Variants in FAM185A observed in about 807,000 individuals in gnomAD.
FAM185A encodes the protein family with sequence similarity 185 member A, also known as protein FAM185A.
Under a neutral mutation model 45.7 loss-of-function variants are expected in FAM185A, and 21 were observed. The observed-to-expected ratio is 0.46, with a 90% CI of 0.33 to 0.66. The LOEUF (loss-of-function observed/expected upper bound fraction) is 0.66. FAM185A is among the 30% of genes least tolerant of loss of function. FAM185A has a pLI of 0.03. For synonymous variants in FAM185A, 117 were observed against 194.0 expected (o/e 0.60, Z 3.30); for missense variants, 305 against 485.4 (o/e 0.63, Z 3.49).
chr7:102,831,896 C>A, the FAM185A span, among the ~76,000 whole-genome samples: 22 of 152,126 alleles, frequency 1.4e-4, no homozygotes, highest in Non-Finnish European at 2.9e-5. Flanking sequence ...TATATTCAGT[C>A]TACTATTATT....
At chr7:102,780,486 C>T (rs575091720) in intron 6 of FAM185A, among the ~76,000 whole-genome samples, 4 of 152,176 alleles carry the variant, frequency 2.6e-5, no homozygotes, top group Non-Finnish European at 5.9e-5. Flanking sequence ...CTGTAATCTA[C>T]TCAAAAGAAA....
the FAM185A span, among the ~76,000 whole-genome samples, chr7:102,822,714 G>A: frequency 6.6e-6 from 1 of 152,194 alleles, no homozygotes; most frequent in African/African-American, 2.4e-5. Context: ...ATTCAAGTGA[G>A]TTGTTTAACT....
At chr7:102,766,788 T>TG (rs1554368065) in intron 4 of FAM185A, among the ~76,000 whole-genome samples, 7 of 151,736 alleles carry the variant, frequency 4.6e-5, no homozygotes, top group Non-Finnish European at 7.4e-5. Flanking sequence ...TTTTTTGTTT[T>TG]TTTTGTTTTG....
the FAM185A span, among the ~76,000 whole-genome samples, chr7:102,833,770 T>C: frequency 0.015 from 2,296 of 152,054 alleles, 57 homozygotes; most frequent in African/African-American, 0.053. Flanking sequence ...TAGCATTGTT[T>C]TGAAATGCTG....
the FAM185A span, chr7:102,826,981 T>C: frequency 2.8e-6 from 1 of 353,430 alleles, no homozygotes; most frequent in South Asian, 2.0e-5. Flanking sequence ...AATGTAGCTG[T>C]GGTAGATTAA....
At chr7:102,802,641 T>C (rs550467766) in intron 7 of FAM185A, among the ~76,000 whole-genome samples, 103 of 151,578 alleles carry the variant, frequency 6.8e-4, no homozygotes, top group African/African-American at 2.4e-3. Flanking sequence ...ATCAAGGAAC[T>C]AGAGAAACAA....
At chr7:102,843,064 G>C in the FAM185A span, among the ~76,000 whole-genome samples, 2 of 152,058 alleles carry the variant, frequency 1.3e-5, no homozygotes, top group Non-Finnish European at 2.9e-5. Flanking sequence ...GTTACCAAAG[G>C]GCAAATTTTT....
chr7:102,787,588 T>C (rs1365277446), intron 7 of FAM185A, 119 bp downstream of exon 7: 1 of 1,124,944 alleles, frequency 8.9e-7, no homozygotes, highest in Admixed American at 3.9e-5. Context: ...TACGTCCTCA[T>C]GTTTGACATC....
chr7:102,783,330 A>G (rs942825775), intron 6 of FAM185A, among the ~76,000 whole-genome samples: 3 of 152,284 alleles, frequency 2.0e-5, no homozygotes, highest in Non-Finnish European at 2.9e-5. Flanking sequence ...TCTCCACCCC[A>G]AATCAACAGA....
At chr7:102,831,431 A>ACACACACACACCCCCCC in the FAM185A span, among the ~76,000 whole-genome samples, 1 of 147,126 alleles carries the variant, frequency 6.8e-6, no homozygotes, top group African/African-American at 2.5e-5. Flanking sequence ...ACACACACAC[A>ACACACACACACCCCCCC]CCCCACTACA....
At chr7:102,766,503 C>A (rs1794404559) in intron 4 of FAM185A, among the ~76,000 whole-genome samples, 1 of 152,162 alleles carries the variant, frequency 6.6e-6, no homozygotes, top group South Asian at 2.1e-4. Context: ...ACTTTGATAG[C>A]ACTCAAAATT....
intron 4 of FAM185A, among the ~76,000 whole-genome samples, chr7:102,762,423 G>A (rs1220512744): frequency 6.6e-6 from 1 of 152,160 alleles, no homozygotes; most frequent in African/African-American, 2.4e-5. Context: ...TATACAGATA[G>A]AATTAATAAT....
At chr7:102,765,277 A>C (rs2129434916) in intron 4 of FAM185A, among the ~76,000 whole-genome samples, 1 of 152,328 alleles carries the variant, frequency 6.6e-6, no homozygotes, top group South Asian at 2.1e-4. Flanking sequence ...CTACATTATA[A>C]GTTCCTTGAG....
intron 7 of FAM185A, among the ~76,000 whole-genome samples, chr7:102,800,715 C>T (rs181354135): frequency 5.5e-4 from 83 of 152,022 alleles, no homozygotes; most frequent in African/African-American, 1.9e-3. Context: ...ATGAACAAAG[C>T]CTCCAAGACA....
chr7:102,775,980 G>A (rs1342999556), intron 5 of FAM185A, among the ~76,000 whole-genome samples: 1 of 152,008 alleles, frequency 6.6e-6, no homozygotes, highest in Non-Finnish European at 1.5e-5. Context: ...TTCCAGTATA[G>A]ATTGGAAATA....
chr7:102,827,335 G>T, the FAM185A span, among the ~76,000 whole-genome samples: 2 of 152,108 alleles, frequency 1.3e-5, no homozygotes, highest in Admixed American at 1.3e-4. Context: ...CAACCCTGGG[G>T]CCAACCACTG....
At chr7:102,832,674 T>C in the FAM185A span, among the ~76,000 whole-genome samples, 1 of 152,368 alleles carries the variant, frequency 6.6e-6, no homozygotes, top group Non-Finnish European at 1.5e-5. Flanking sequence ...TTGACACCAG[T>C]GGAATCATAA....
At chr7:102,816,921 C>T in the FAM185A span, among the ~76,000 whole-genome samples, 2,142 of 152,328 alleles carry the variant, frequency 0.014, 119 homozygotes, top group East Asian at 0.16. Flanking sequence ...ATCCATGTTG[C>T]TGCAAAGGAC....
intron 6 of FAM185A, among the ~76,000 whole-genome samples, chr7:102,784,347 A>C (rs1304748934): frequency 6.6e-6 from 1 of 151,964 alleles, no homozygotes; most frequent in Non-Finnish European, 1.5e-5. Context: ...GGCCAGCATC[A>C]TCCTGATACC....
Sources: allele counts gnomAD v4.1 joint callset (sites outside exome capture counted in the v4.1 genomes callset), GRCh38; gene constraint gnomAD v4.1.1; transcripts MANE v1.5; gene names NCBI Gene and HGNC (gene_info 2026-07-23, HGNC 2026-07-21).